The following MDGA2 variants were observed in gnomAD, a reference collection of about 807,000 sequenced individuals.
The protein encoded by MDGA2 is MAM domain-containing glycosylphosphatidylinositol anchor protein 2.
MDGA2 carries 40 observed loss-of-function variants against 117.8 expected under a neutral mutation model. The observed-to-expected ratio is 0.34, with a 90% confidence interval of 0.26 to 0.44. The LOEUF (loss-of-function observed/expected upper bound fraction) is 0.44. MDGA2 is among the 20% of genes least tolerant of loss of function. The pLI is 1.00. For synonymous variants in MDGA2, 452 were observed against 439.0 expected (o/e 1.03, Z -0.37); for missense variants, 1,123 against 1,250.6 (o/e 0.90, Z 1.54).
Position 46,855,271 on chromosome 14 carries a change from T to C in MDGA2, c.2753-117A>G. The C allele has an allele frequency of 1.4e-6, 1 of 710,236 alleles. No homozygotes were observed. The highest frequency in any genetic ancestry group is 2.2e-6 in the Non-Finnish European group (1 of 450,474). The allele number at this position is 710,236 out of a possible 1,614,324, so 44.0% of individuals were successfully genotyped here. ...AAATTTTACAGAACACTCTAGTGTCTTGTCCTCTCTTCTCCTCTCATTTCC... is the reference window on the plus strand; with the variant it reads ...AAATTTTACAGAACACTCTAGTGTCCTGTCCTCTCTTCTCCTCTCATTTCC... On this transcript the variant is annotated intron_variant, in intron 14 of 16. Coordinates refer to ENST00000399232, the MANE Select transcript of MDGA2 (RefSeq NM_001113498.3). This position sits in a 1 kb window ranked among gnomAD's most constrained non-coding sequence, Gnocchi z 4.1.
intron 3 of MDGA2, among the ~76,000 whole-genome samples, chr14:47,213,770 C>G (rs1002831615): frequency 6.6e-6 from 1 of 151,844 alleles, no homozygotes; most frequent in African/African-American, 2.4e-5. Context: ...TCTGAGAATA[C>G]TATTAGTCCA....
At position 47,101,484 on chromosome 14, in the gene MDGA2, T is replaced by C. The variant is rs550608813; in HGVS notation, c.926-4361A>G. On this transcript the variant is annotated intron_variant, in intron 5 of 16. Transcript: ENST00000399232. The stretch of plus-strand genomic sequence containing the variant: ...CCAAACATCTGGATATTCAAGATCA[T>C]AGGAGATCAGTTTGTCCCTTCCTAT... 4.6e-4 allele frequency among the ~76,000 whole-genome samples: 70 copies of C among 152,252 alleles called. 2 individuals are homozygous for C. The highest frequency in any genetic ancestry group is 1.6e-3 in the African/African-American group (66 of 41,552).
At chr14:47,656,698 C>G (rs1158653832) in intron 1 of MDGA2, among the ~76,000 whole-genome samples, 1 of 152,106 alleles carries the variant, frequency 6.6e-6, no homozygotes, top group Non-Finnish European at 1.5e-5. Flanking sequence ...TCTTTGTAGA[C>G]AATGTTATTG....
At chr14:46,988,262 AAAG>A in intron 8 of MDGA2, among the ~76,000 whole-genome samples, 1 of 152,080 alleles carries the variant, frequency 6.6e-6, no homozygotes, top group East Asian at 1.9e-4. Context: ...AGTCAAATAA[AAAG>A]AAGCAGAGTT....
chr14:46,947,767 T>C (rs1885225165), intron 9 of MDGA2, among the ~76,000 whole-genome samples: 1 of 152,044 alleles, frequency 6.6e-6, no homozygotes, highest in African/African-American at 2.4e-5. Context: ...GTAAATTTCT[T>C]AGTCTCGAGT....
At chr14:47,669,348 C>T (rs1168950403) in intron 1 of MDGA2, among the ~76,000 whole-genome samples, 3 of 152,210 alleles carry the variant, frequency 2.0e-5, no homozygotes, top group African/African-American at 7.2e-5. Flanking sequence ...ATTATTTCAT[C>T]TCTAAACTTT....
intron 8 of MDGA2, among the ~76,000 whole-genome samples, chr14:47,031,113 T>C (rs1594545967): frequency 6.6e-6 from 1 of 151,980 alleles, no homozygotes; most frequent in East Asian, 1.9e-4. Context: ...TTTTGTAAGT[T>C]ATATTGCTTC....
intron 9 of MDGA2, among the ~76,000 whole-genome samples, chr14:46,943,103 T>A (rs1232091126): frequency 6.6e-6 from 1 of 152,080 alleles, no homozygotes; most frequent in African/African-American, 2.4e-5. Context: ...AACCGTTATG[T>A]CTTCCCTATA....
At chr14:47,409,608 G>A (rs747124271) in intron 1 of MDGA2, among the ~76,000 whole-genome samples, 14 of 152,140 alleles carry the variant, frequency 9.2e-5, no homozygotes, top group Non-Finnish European at 1.5e-4. Flanking sequence ...GTACAGTTCA[G>A]TTTTCTAAGA....
At chr14:47,301,947 G>A (rs1252202849) in intron 1 of MDGA2, among the ~76,000 whole-genome samples, 1 of 152,176 alleles carries the variant, frequency 6.6e-6, no homozygotes. Flanking sequence ...AAGGGAATTT[G>A]AATGGAAGAC....
chr14:47,522,920 T>C (rs1333321409), intron 1 of MDGA2, among the ~76,000 whole-genome samples: 1 of 152,204 alleles, frequency 6.6e-6, no homozygotes, highest in Non-Finnish European at 1.5e-5. Flanking sequence ...GTGTCACGAA[T>C]TGCTGAGCTA....
intron 1 of MDGA2, among the ~76,000 whole-genome samples, chr14:47,617,048 A>C (rs932600828): frequency 6.6e-6 from 1 of 152,176 alleles, no homozygotes; most frequent in African/African-American, 2.4e-5. Flanking sequence ...ATTTTAGAGC[A>C]CCACTGTTGG....
chr14:47,429,182 G>A (rs889039548), intron 1 of MDGA2, among the ~76,000 whole-genome samples: 13 of 151,706 alleles, frequency 8.6e-5, no homozygotes, highest in Non-Finnish European at 1.6e-4. Flanking sequence ...CTGAGATTGC[G>A]CCACTGCACT....
chr14:47,190,250 G>T (rs1177117192), intron 3 of MDGA2, among the ~76,000 whole-genome samples: 1 of 152,172 alleles, frequency 6.6e-6, no homozygotes, highest in African/African-American at 2.4e-5. Context: ...ACGCTGCTGT[G>T]GTAAAATAGC....
intron 4 of MDGA2, among the ~76,000 whole-genome samples, chr14:47,143,543 C>A (rs1882812931): frequency 6.6e-6 from 1 of 152,100 alleles, no homozygotes; most frequent in South Asian, 2.1e-4. Flanking sequence ...TTATTAAATA[C>A]ATTTTTAATG....
At chr14:47,260,559 A>G (rs937492643) in intron 2 of MDGA2, among the ~76,000 whole-genome samples, 4 of 152,138 alleles carry the variant, frequency 2.6e-5, no homozygotes, top group South Asian at 2.1e-4. Context: ...TTAAAGGTTT[A>G]GAAACATCAT....
intron 1 of MDGA2, among the ~76,000 whole-genome samples, chr14:47,672,375 T>G (rs185154459): frequency 5.3e-5 from 8 of 152,368 alleles, no homozygotes; most frequent in African/African-American, 1.7e-4. Context: ...TCCTTGTTTA[T>G]TGTTAACAGA....
intron 9 of MDGA2, among the ~76,000 whole-genome samples, chr14:46,955,477 A>C (rs1885529296): frequency 6.6e-6 from 1 of 152,266 alleles, no homozygotes; most frequent in Admixed American, 6.5e-5. Flanking sequence ...CATGGATAAT[A>C]TACTACAAGC....
intron 10 of MDGA2, among the ~76,000 whole-genome samples, chr14:46,894,508 C>T (rs1259783624): frequency 6.6e-6 from 1 of 152,004 alleles, no homozygotes; most frequent in Non-Finnish European, 1.5e-5. Flanking sequence ...TAGCTTTTAT[C>T]TTTAGGACAA....
Sources: gnomAD v4.1 joint callset for allele counts (sites outside exome capture counted in the v4.1 genomes callset) on GRCh38, gnomAD v4.1.1 for gene constraint, Gnocchi (gnomAD v3.1) non-coding constraint, MANE v1.5 for transcripts, NCBI Gene and HGNC (gene_info 2026-07-23, HGNC 2026-07-21) for gene names.